The following PTPRN2 variants were observed in gnomAD, a reference collection of about 807,000 sequenced individuals.
PTPRN2 encodes the protein protein tyrosine phosphatase receptor type N2.
Under a neutral mutation model 118.8 loss-of-function variants are expected in PTPRN2, and 74 were observed. The observed-to-expected ratio is 0.62, with a 90% confidence interval of 0.52 to 0.76. The LOEUF (loss-of-function observed/expected upper bound fraction) is 0.76. Among genes scored for constraint, PTPRN2 ranks in the 30% least tolerant of loss-of-function variants. The pLI, the probability that PTPRN2 is intolerant of heterozygous loss-of-function variation, is 0.00. For synonymous variants in PTPRN2, 641 were observed against 608.0 expected (o/e 1.05, Z -0.80); for missense variants, 1,481 against 1,394.4 (o/e 1.06, Z -0.99).
intron 11 of PTPRN2, among the ~76,000 whole-genome samples, chr7:157,992,293 C>A (rs1454086824): frequency 6.6e-6 from 1 of 152,238 alleles, no homozygotes; most frequent in African/African-American, 2.4e-5. Flanking sequence ...TGCATGGCGA[C>A]ACGTTCTCTG....
At chr7:158,270,993 TCCCCATCCACCTGGACCA>T (rs1798441580) in intron 3 of PTPRN2, among the ~76,000 whole-genome samples, 1 of 20,242 alleles carries the variant, frequency 4.9e-5, no homozygotes, top group Non-Finnish European at 8.7e-5. Context: ...CACCTGGGCC[TCCCCATCCACCTGGACCA>T]CCCCTCCACC....
chr7:158,104,479 AAGG>A (rs1004146178), intron 10 of PTPRN2, among the ~76,000 whole-genome samples: 2 of 152,146 alleles, frequency 1.3e-5, no homozygotes, highest in Non-Finnish European at 2.9e-5. Flanking sequence ...CAAGATGAAA[AAGG>A]AGATGAAGAC....
At chr7:158,082,123 G>T (rs964994902) in intron 10 of PTPRN2, among the ~76,000 whole-genome samples, 1 of 152,168 alleles carries the variant, frequency 6.6e-6, no homozygotes, top group African/African-American at 2.4e-5. Context: ...CTTCTAAGAA[G>T]TAAATCCCTG....
chr7:157,615,412 T>C lies in PTPRN2; in HGVS notation c.2344+5950A>G, dbSNP rs934478110. The C allele has an allele frequency of 3.2e-5, 15 of 470,904 alleles. No individual in the cohort carries two copies. In the Admixed American group the frequency reaches 3.5e-4, roughly 11 times the overall value. 29.2% of individuals were successfully genotyped at this position (470,904 alleles called of 1,614,324 possible). On this transcript the variant is annotated intron_variant, in intron 15 of 22. Transcript: ENST00000389418. This position sits in a 1 kb window ranked among gnomAD's most constrained non-coding sequence, Gnocchi z 4.3. The stretch of plus-strand genomic sequence containing the variant: ...AGCCCCAGCTCTGTCCCTGTGTGAA[T>C]CTCAGGGCTGTTTCGAGGATGAAAA...
At chr7:158,542,342 G>A (rs1321951127) in intron 1 of PTPRN2, among the ~76,000 whole-genome samples, 2 of 152,160 alleles carry the variant, frequency 1.3e-5, no homozygotes, top group Non-Finnish European at 2.9e-5. Context: ...TAGTAGAGTT[G>A]GGGTTTCACC....
intron 1 of PTPRN2, among the ~76,000 whole-genome samples, chr7:158,550,875 G>A (rs897418309): frequency 1.3e-5 from 2 of 152,066 alleles, no homozygotes; most frequent in African/African-American, 4.8e-5. Flanking sequence ...TCCATCAGGC[G>A]GCCGTCGCGC....
At chr7:157,570,084 T>G (rs528618541) in intron 20 of PTPRN2, among the ~76,000 whole-genome samples, 1 of 152,340 alleles carries the variant, frequency 6.6e-6, no homozygotes, top group East Asian at 1.9e-4. Flanking sequence ...GTTGGGATGG[T>G]AAATGTTTAA....
chr7:158,489,456 T>G (rs1365679978), intron 2 of PTPRN2, among the ~76,000 whole-genome samples: 1 of 152,080 alleles, frequency 6.6e-6, no homozygotes, highest in Non-Finnish European at 1.5e-5. Flanking sequence ...CAAAAAAATT[T>G]TTTAAAAAAG....
chr7:158,193,466 C>T (rs1425143903), intron 4 of PTPRN2, among the ~76,000 whole-genome samples: 7 of 152,112 alleles, frequency 4.6e-5, no homozygotes, highest in Non-Finnish European at 7.4e-5. Flanking sequence ...CAACAGGCCC[C>T]GGAGAGACAG....
chr7:157,733,402 A>G lies in PTPRN2; in HGVS notation c.1789-50465T>C, dbSNP rs1224910072. Among the ~76,000 whole-genome samples the G allele has an allele frequency of 1.9e-4, 7 of 37,088 alleles. No homozygotes were observed. In the East Asian group the frequency reaches 2.4e-3, roughly 13 times the overall value. 24.3% of individuals were successfully genotyped at this position (37,088 alleles called of 152,430 possible). On this transcript the variant is annotated intron_variant, in intron 12 of 22. Coordinates refer to ENST00000389418, the MANE Select transcript of PTPRN2 (RefSeq NM_002847.5). ...ATGCGCCCAGCACAGTTACCCTTCCACCCCATGCGCCCAGCACAGTTACTC... is the reference window on the plus strand; with the variant it reads ...ATGCGCCCAGCACAGTTACCCTTCCGCCCCATGCGCCCAGCACAGTTACTC...
chr7:157,584,204 C>T (rs1208498409), intron 17 of PTPRN2, among the ~76,000 whole-genome samples: 1 of 152,158 alleles, frequency 6.6e-6, no homozygotes, highest in Non-Finnish European at 1.5e-5. Flanking sequence ...TCCCTGGGCC[C>T]CTTCAGGAGG....
chr7:158,367,255 G>A (rs2151308077), intron 2 of PTPRN2, among the ~76,000 whole-genome samples: 1 of 152,298 alleles, frequency 6.6e-6, no homozygotes, highest in East Asian at 1.9e-4. Flanking sequence ...AGATGCCCCA[G>A]GTGGACGGCC....
intron 11 of PTPRN2, among the ~76,000 whole-genome samples, chr7:158,036,638 C>T (rs967664989): frequency 1.3e-5 from 2 of 152,140 alleles, no homozygotes; most frequent in Non-Finnish European, 1.5e-5. Flanking sequence ...ATGTAATTCA[C>T]TTTACTAAGA....
At chr7:157,708,265 T>C (rs976005460) in intron 12 of PTPRN2, among the ~76,000 whole-genome samples, 3 of 152,240 alleles carry the variant, frequency 2.0e-5, no homozygotes, top group African/African-American at 7.2e-5. Flanking sequence ...GCCAGCTCCC[T>C]GGTGCCAGTT....
At chr7:157,751,093 T>C (rs551707262) in intron 12 of PTPRN2, among the ~76,000 whole-genome samples, 100 of 152,342 alleles carry the variant, frequency 6.6e-4, no homozygotes, top group African/African-American at 2.3e-3. Context: ...TGCTGTGAGC[T>C]GTGGGGCCGA....
intron 5 of PTPRN2, among the ~76,000 whole-genome samples, chr7:158,184,609 C>T (rs565626372): frequency 8.5e-5 from 13 of 152,210 alleles, no homozygotes; most frequent in Non-Finnish European, 1.2e-4. Flanking sequence ...GTCAGGAGTT[C>T]AAGACCAGCC....
At chr7:158,465,091 C>T (rs1244843870) in intron 2 of PTPRN2, among the ~76,000 whole-genome samples, 1 of 152,212 alleles carries the variant, frequency 6.6e-6, no homozygotes, top group African/African-American at 2.4e-5. Flanking sequence ...GATTCCAGCA[C>T]CAATCAGCTG....
chr7:158,389,565 A>C (rs2151375366), intron 2 of PTPRN2, among the ~76,000 whole-genome samples: 1 of 152,322 alleles, frequency 6.6e-6, no homozygotes, highest in East Asian at 1.9e-4. Context: ...CTCCTTATTA[A>C]ATAAATTAAA....
At chr7:158,246,270 G>A (rs1213289368) in intron 3 of PTPRN2, among the ~76,000 whole-genome samples, 2 of 151,740 alleles carry the variant, frequency 1.3e-5, no homozygotes, top group African/African-American at 4.9e-5. Context: ...GAAGGAAGAG[G>A]GGGAAAAATC....
Sources: allele counts gnomAD v4.1 joint callset (sites outside exome capture counted in the v4.1 genomes callset), GRCh38; gene constraint gnomAD v4.1.1; non-coding constraint Gnocchi (gnomAD v3.1); transcripts MANE v1.5; gene names NCBI Gene and HGNC (gene_info 2026-07-23, HGNC 2026-07-21).